The following FGD6 variants were observed in gnomAD, a reference collection of about 807,000 sequenced individuals.
FGD6 encodes the protein FYVE, RhoGEF and PH domain containing 6, also known as FYVE, RhoGEF and PH domain-containing protein 6.
A neutral mutation model predicts 149.4 loss-of-function variants in FGD6; 90 were observed. The observed-to-expected ratio is 0.60, with a 90% CI of 0.51 to 0.72. The LOEUF (loss-of-function observed/expected upper bound fraction) is 0.72. Ranked by LOEUF, FGD6 falls within the 30% of genes least tolerant of loss-of-function variation. The pLI is 0.00. For missense variants in FGD6, 1,437 were observed against 1,684.8 expected, an observed-to-expected ratio of 0.85 and a Z score of 2.57; for synonymous variants, 527 against 584.0, an observed-to-expected ratio of 0.90 and a Z score of 1.41.
intron 3 of FGD6, among the ~76,000 whole-genome samples, chr12:95,154,802 GA>G (rs1371685321): frequency 6.6e-6 from 1 of 150,644 alleles, no homozygotes. Context: ...AATGCCACAG[GA>G]AAAAAAAATA....
At chr12:95,082,090 G>A (rs1232958031) in intron 20 of FGD6, among the ~76,000 whole-genome samples, 1 of 152,132 alleles carries the variant, frequency 6.6e-6, no homozygotes, top group Admixed American at 6.5e-5. Context: ...TAGGCATAAG[G>A]AAGGGACCAT....
intron 3 of FGD6, among the ~76,000 whole-genome samples, chr12:95,161,530 T>C (rs1423797701): frequency 3.3e-5 from 5 of 152,102 alleles, no homozygotes; most frequent in Non-Finnish European, 7.4e-5. Flanking sequence ...CACTTGTAAC[T>C]GCTCCTAACA....
At chr12:95,215,537 T>C (rs1403356405) in intron 1 of FGD6, among the ~76,000 whole-genome samples, 1 of 152,164 alleles carries the variant, frequency 6.6e-6, no homozygotes, top group Non-Finnish European at 1.5e-5. Context: ...ATCCAACAGA[T>C]GGGTGAGCAA....
rs1385045560 is a variant in FGD6, at chr12:95,077,240, C to T, written c.*4280G>A. On this transcript the variant is annotated 3_prime_UTR_variant, in exon 21 of 21. Transcript: ENST00000343958. ...GCAAATACTGAGTGTCCACTGCATG[C>T]AAGGTACCCTGCCAGAAATCTCAAA... The T allele has an allele frequency of 6.6e-6, 1 of 152,214 alleles. No individual in the cohort carries two copies. The highest frequency in any genetic ancestry group is 1.9e-4 in the East Asian group (1 of 5,200). The allele number at this position is 152,214 out of a possible 1,614,324, so 9.4% of individuals were successfully genotyped here.
chr12:95,160,503 G>A (rs1880607500), intron 3 of FGD6, among the ~76,000 whole-genome samples: 1 of 152,124 alleles, frequency 6.6e-6, no homozygotes. Flanking sequence ...TGTGAGGTAT[G>A]CAAAATTTAT....
At chr12:95,108,613 T>C (rs376241180) in intron 9 of FGD6, 52 bp from the exon 10 acceptor site, 102 of 1,601,512 alleles carry the variant, frequency 6.4e-5, no homozygotes, top group Non-Finnish European at 8.5e-5. Context: ...TGGAAACAAA[T>C]AGTTTGCAAC....
rs538559181 is a variant in FGD6 at position 95,106,562 on chromosome 12, G to A, written c.3417+392C>T. Among the ~76,000 whole-genome samples the A allele has an allele frequency of 1.6e-4, 25 of 152,106 alleles. No individual in the cohort carries two copies. The East Asian group carries it at 4.6e-3, about 28-fold the overall frequency. On this transcript the variant is annotated intron_variant, in intron 13 of 20. Transcript: ENST00000343958. ...GCCTCCCAAAGTGCTAGGATTATAG[G>A]CATGTGAGCCACCACACTGACCTTA...
intron 9 of FGD6, among the ~76,000 whole-genome samples, chr12:95,112,956 A>G (rs1457420197): frequency 6.6e-6 from 1 of 152,178 alleles, no homozygotes; most frequent in Non-Finnish European, 1.5e-5. Flanking sequence ...AGGACCTTGC[A>G]GATCTGGTTC....
chr12:95,146,423 T>C (rs1880017358), intron 5 of FGD6, among the ~76,000 whole-genome samples: 1 of 152,200 alleles, frequency 6.6e-6, no homozygotes, highest in Non-Finnish European at 1.5e-5. Context: ...AACACCTCCT[T>C]GACAAAATCG....
intron 8 of FGD6, among the ~76,000 whole-genome samples, chr12:95,115,508 T>A (rs1878980041): frequency 6.6e-6 from 1 of 151,412 alleles, no homozygotes. Flanking sequence ...AGTGCTGGAA[T>A]TACAGGCAGT....
chr12:95,137,437 T>C, intron 7 of FGD6, 85 bp downstream of exon 7: 1 of 1,225,792 alleles, frequency 8.2e-7, no homozygotes, highest in Non-Finnish European at 1.1e-6. Flanking sequence ...GTTTGCAAGC[T>C]TTGTTTTCAA....
chr12:95,094,305 T>C (rs1031353294), intron 15 of FGD6, among the ~76,000 whole-genome samples: 3 of 152,228 alleles, frequency 2.0e-5, no homozygotes, highest in African/African-American at 7.2e-5. Context: ...TGGCAGCTGA[T>C]TAGTTTCTGC....
chr12:95,155,509 G>C (rs570589423), intron 3 of FGD6, among the ~76,000 whole-genome samples: 1 of 152,168 alleles, frequency 6.6e-6, no homozygotes, highest in South Asian at 2.1e-4. Context: ...GCCTGCGCAA[G>C]AAAAGTGAAA....
rs1877576380 is a variant in FGD6, at chr12:95,078,812, C to T, written c.*2708G>A. ...CAATGCCAGCCTTCCCCTGGTTCAG[C>T]CTGGCGTCTCATCTACGTTATGCTT... is the stretch of plus-strand genomic sequence containing the variant. On this transcript the variant is annotated 3_prime_UTR_variant, in exon 21 of 21. Coordinates refer to ENST00000343958, the MANE Select transcript of FGD6 (RefSeq NM_018351.4). 1 of 152,152 alleles carries T rather than the reference C, an allele frequency of 6.6e-6. No individual in the cohort carries two copies. Among genetic ancestry groups the T allele is most frequent in the South Asian group, 2.1e-4 (1 of 4,828 alleles). 9.4% of individuals were successfully genotyped at this position (152,152 alleles called of 1,614,324 possible). A position where few individuals can be genotyped will look rare whatever the true frequency, so the allele number is the denominator to read the frequency against.
intron 2 of FGD6, among the ~76,000 whole-genome samples, chr12:95,173,573 C>A (rs1337517508): frequency 6.6e-6 from 1 of 152,054 alleles, no homozygotes; most frequent in Admixed American, 6.6e-5. Flanking sequence ...CTGTTGCAAT[C>A]CAATCTGTGG....
chr12:95,194,232 C>T (rs1029988959), intron 2 of FGD6, among the ~76,000 whole-genome samples: 2 of 149,644 alleles, frequency 1.3e-5, no homozygotes, highest in Non-Finnish European at 3.0e-5. Flanking sequence ...GCTGTGATTC[C>T]ATTTTATATA....
chr12:95,201,488 C>G (rs552650793), intron 2 of FGD6, among the ~76,000 whole-genome samples: 7 of 152,164 alleles, frequency 4.6e-5, no homozygotes, highest in Admixed American at 1.3e-4. Flanking sequence ...GGAAAGCAAC[C>G]CCCACTCAGT....
chr12:95,197,583 CTAAGT>C (rs1451869139), intron 2 of FGD6, among the ~76,000 whole-genome samples: 6 of 152,082 alleles, frequency 3.9e-5, no homozygotes, highest in African/African-American at 1.4e-4. Context: ...TATTTTTTCC[CTAAGT>C]TAATAAGGGT....
chr12:95,125,156 A>G (rs1224531488), intron 8 of FGD6, among the ~76,000 whole-genome samples: 1 of 152,192 alleles, frequency 6.6e-6, no homozygotes, highest in Admixed American at 6.6e-5. Context: ...TGCCAGAAGA[A>G]TCTAGGCACA....
Sources: gnomAD v4.1 joint callset for allele counts (sites outside exome capture counted in the v4.1 genomes callset) on GRCh38, gnomAD v4.1.1 for gene constraint, MANE v1.5 for transcripts, NCBI Gene and HGNC (gene_info 2026-07-23, HGNC 2026-07-21) for gene names.